Variants in GPC6 observed in about 807,000 individuals in gnomAD.
The protein encoded by GPC6 is glypican-6.
A neutral mutation model predicts 55.2 loss-of-function variants in GPC6; 14 were observed. The observed-to-expected ratio is 0.25, with a 90% CI of 0.17 to 0.40. The LOEUF (loss-of-function observed/expected upper bound fraction) is 0.40, where lower values mean the gene tolerates loss of function less well. Among genes scored for constraint, GPC6 ranks in the 10% least tolerant of loss-of-function variants. The pLI, the probability that GPC6 is intolerant of heterozygous loss-of-function variation, is 1.00. For synonymous variants in GPC6, 278 were observed against 259.6 expected (o/e 1.07, Z -0.68); for missense variants, 641 against 708.5 (o/e 0.90, Z 1.08).
In GPC6 at chr13:93,377,777, C is replaced by G. The variant is rs1051406714; in HGVS notation, c.160+150161C>G. ...TTTAAAATAGGAGATAAACAAAATG[C>G]TTATGTTATAGAAAAGAGAATGTTT... On this transcript the variant is annotated intron_variant, in intron 1 of 8. Transcript: ENST00000377047. Among the ~76,000 whole-genome samples the G allele has an allele frequency of 6.7e-4, 102 of 152,154 alleles. 3 individuals carry two copies. The highest frequency in any genetic ancestry group is 3.3e-4 in the Admixed American group (5 of 15,274).
At chr13:93,271,185 T>C (rs1156566475) in intron 1 of GPC6, among the ~76,000 whole-genome samples, 1 of 152,184 alleles carries the variant, frequency 6.6e-6, no homozygotes, top group African/African-American at 2.4e-5. Context: ...CAGAAATGTC[T>C]CTACAGGAAA....
chr13:93,318,264 T>C (rs897169676), intron 1 of GPC6, among the ~76,000 whole-genome samples: 1 of 151,714 alleles, frequency 6.6e-6, no homozygotes, highest in Non-Finnish European at 1.5e-5. Flanking sequence ...TATGTGACAG[T>C]TTTTTTTGTT....
chr13:94,181,780 T>C (rs919222571), intron 4 of GPC6, among the ~76,000 whole-genome samples: 1 of 152,234 alleles, frequency 6.6e-6, no homozygotes, highest in African/African-American at 2.4e-5. Context: ...TAAATGCATC[T>C]GCCACATTTT....
At chr13:94,030,133 C>A (rs1346825097) in intron 4 of GPC6, among the ~76,000 whole-genome samples, 1 of 151,874 alleles carries the variant, frequency 6.6e-6, no homozygotes, top group African/African-American at 2.4e-5. Context: ...CTCAGCCTCC[C>A]GAGGAGCTGG....
intron 1 of GPC6, among the ~76,000 whole-genome samples, chr13:93,544,775 A>T (rs1179118680): frequency 6.6e-6 from 1 of 152,220 alleles, no homozygotes; most frequent in Non-Finnish European, 1.5e-5. Flanking sequence ...CATTAAAAAC[A>T]CACTCACTTG....
chr13:93,784,588 T>G (rs1421125316), intron 2 of GPC6, among the ~76,000 whole-genome samples: 1 of 152,198 alleles, frequency 6.6e-6, no homozygotes, highest in African/African-American at 2.4e-5. Flanking sequence ...CGAGGTTTAT[T>G]GGAGTTTCCT....
chr13:93,416,621 G>C (rs918016629), intron 1 of GPC6, among the ~76,000 whole-genome samples: 3 of 152,046 alleles, frequency 2.0e-5, no homozygotes, highest in Admixed American at 6.6e-5. Context: ...GGTTGTGCTA[G>C]CAAATTGTAG....
chr13:94,066,364 C>CT (rs1304725630), intron 4 of GPC6, among the ~76,000 whole-genome samples: 1 of 152,036 alleles, frequency 6.6e-6, no homozygotes, highest in African/African-American at 2.4e-5. Flanking sequence ...GATTGTTCTA[C>CT]TTTCTCTACT....
chr13:94,243,748 A>G (rs1891122609), intron 4 of GPC6, among the ~76,000 whole-genome samples: 1 of 152,258 alleles, frequency 6.6e-6, no homozygotes, highest in East Asian at 1.9e-4. Flanking sequence ...TATGTCTACC[A>G]GTAGACCACA....
In GPC6 at chr13:94,065,912, T is replaced by G. The variant is rs111574357; in HGVS notation, c.877+38018T>G. 9.6e-3 allele frequency among the ~76,000 whole-genome samples: 1,457 copies of G among 152,310 alleles called. 28 individuals are homozygous for G. Among genetic ancestry groups the G allele is most frequent in the African/African-American group, 0.032 (1,341 of 41,564 alleles). On this transcript the variant is annotated intron_variant, in intron 4 of 8. Coordinates refer to ENST00000377047, the MANE Select transcript of GPC6 (RefSeq NM_005708.5). ...CTTCAGTCTTCCAGACAGCCTGAAT[T>G]ACTCACTCAAGTAACACTTCCATCT...
chr13:94,076,438 C>T (rs1014779883), intron 4 of GPC6, among the ~76,000 whole-genome samples: 1 of 151,842 alleles, frequency 6.6e-6, no homozygotes, highest in African/African-American at 2.4e-5. Context: ...TAGGTTGTCT[C>T]TTCACTCTGC....
chr13:94,236,578 T>C (rs1267419605), intron 4 of GPC6, among the ~76,000 whole-genome samples: 1 of 152,150 alleles, frequency 6.6e-6, no homozygotes, highest in African/African-American at 2.4e-5. Flanking sequence ...CTATGAAGAT[T>C]GAAGGGAGTA....
At chr13:93,803,260 G>A (rs893805053) in intron 2 of GPC6, among the ~76,000 whole-genome samples, 1 of 152,044 alleles carries the variant, frequency 6.6e-6, no homozygotes, top group African/African-American at 2.4e-5. Context: ...ACAATGAAAA[G>A]ACAACTCTAT....
intron 1 of GPC6, among the ~76,000 whole-genome samples, chr13:93,540,651 T>C (rs1236186186): frequency 6.6e-6 from 1 of 152,202 alleles, no homozygotes; most frequent in Non-Finnish European, 1.5e-5. Context: ...TTAGCATGTC[T>C]ATCATCTTAA....
intron 2 of GPC6, among the ~76,000 whole-genome samples, chr13:93,826,646 C>CTG (rs1887265526): frequency 6.6e-6 from 1 of 152,188 alleles, no homozygotes; most frequent in Admixed American, 6.5e-5. Flanking sequence ...AAAGCTTTTG[C>CTG]TGTGTGATGT....
At chr13:94,362,813 T>C (rs1879119130) in intron 6 of GPC6, among the ~76,000 whole-genome samples, 1 of 152,224 alleles carries the variant, frequency 6.6e-6, no homozygotes, top group African/African-American at 2.4e-5. Flanking sequence ...AATCCCTGCA[T>C]ATCCATGATT....
rs1414622201 is a variant in GPC6, at chr13:94,405,050, A to C, written c.*1833A>C. On this transcript the variant is annotated 3_prime_UTR_variant, in exon 9 of 9. Transcript: ENST00000377047. ...AAATGGTATTTTTCAATCTGTTCTC[A>C]TCAAAATTAAAATTAGTTATTGATT... 6.6e-6 allele frequency: 1 copy of C among 152,228 alleles called. No individual in the cohort carries two copies. The highest frequency in any genetic ancestry group is 6.5e-5 in the Admixed American group (1 of 15,278). The allele number at this position is 152,228 out of a possible 1,614,324, so 9.4% of individuals were successfully genotyped here. A position where few individuals can be genotyped will look rare whatever the true frequency, so the allele number is the denominator to read the frequency against.
At chr13:93,677,353 A>G (rs1881673566) in intron 2 of GPC6, among the ~76,000 whole-genome samples, 1 of 152,208 alleles carries the variant, frequency 6.6e-6, no homozygotes, top group Admixed American at 6.5e-5. Context: ...GTAGATGTCA[A>G]TAAATACAGA....
At chr13:94,090,262 G>A (rs1183294457) in intron 4 of GPC6, among the ~76,000 whole-genome samples, 1 of 152,056 alleles carries the variant, frequency 6.6e-6, no homozygotes, top group Non-Finnish European at 1.5e-5. Context: ...AGAACAGCAT[G>A]GGAAAACCGG....
Sources: allele counts gnomAD v4.1 joint callset (sites outside exome capture counted in the v4.1 genomes callset), GRCh38; gene constraint gnomAD v4.1.1; transcripts MANE v1.5; gene names NCBI Gene and HGNC (gene_info 2026-07-23, HGNC 2026-07-21).